RBM19: variants seen among roughly 807,000 people sequenced by gnomAD.
The protein encoded by RBM19 is probable RNA-binding protein 19.
In RBM19, 94 loss-of-function variants were observed where a neutral mutation model predicts 116.8. That is an observed-to-expected ratio of 0.80 (90% CI 0.68 to 0.95). RBM19 has a LOEUF of 0.95. Among genes scored for constraint, RBM19 ranks in the 40% least tolerant of loss-of-function variants. The pLI, the probability that RBM19 is intolerant of heterozygous loss-of-function variation, is 0.00. For synonymous variants in RBM19, 475 were observed against 494.1 expected, an observed-to-expected ratio of 0.96 and a Z score of 0.51; for missense variants, 1,161 against 1,220.7, an observed-to-expected ratio of 0.95 and a Z score of 0.73.
rs2135924504 is a variant in RBM19 at position 113,949,042 on chromosome 12, A to G, written c.1073-6T>C. The G allele has an allele frequency of 6.2e-7, 1 of 1,610,962 alleles. No individual in the cohort carries two copies. Among genetic ancestry groups the G allele is most frequent in the East Asian group, 2.2e-5 (1 of 44,812 alleles). On this transcript the variant is annotated splice_region_variant and splice_polypyrimidine_tract_variant and intron_variant, in intron 9 of 23. Transcript: ENST00000261741. ...CACCTCGATGTAGCGCCCACCTGCA[A>G]TGAAGAGGAGTCAGGGCTCCAGGGG...
chr12:113,872,357 C>T (rs1246062437), intron 21 of RBM19, among the ~76,000 whole-genome samples: 2 of 145,440 alleles, frequency 1.4e-5, no homozygotes, highest in African/African-American at 2.5e-5. Context: ...AGTGAGGAGC[C>T]TCTCTGCCCG....
At position 113,823,204 on chromosome 12, in the gene RBM19, C is replaced by A; in HGVS notation, c.*20G>T. ...CCCGGTCCCCAGGGCCCCGGAGCCA[C>A]ACACCCTCTCGGTGCCAGCTCACAG... On this transcript the variant is annotated 3_prime_UTR_variant, in exon 24 of 24. Coordinates refer to ENST00000261741, the MANE Select transcript of RBM19 (RefSeq NM_016196.4). 6.2e-7 allele frequency: 1 copy of A among 1,604,346 alleles called. No homozygotes were observed. Among genetic ancestry groups the A allele is most frequent in the Non-Finnish European group, 8.5e-7 (1 of 1,177,978 alleles).
intron 21 of RBM19, among the ~76,000 whole-genome samples, chr12:113,884,495 A>C (rs1289070679): frequency 6.6e-6 from 1 of 151,990 alleles, no homozygotes; most frequent in Non-Finnish European, 1.5e-5. Flanking sequence ...GATGCTGCTG[A>C]CCATCCCATA....
At chr12:113,819,841 G>C (rs185407138), downstream of RBM19, among the ~76,000 whole-genome samples, 2 of 152,310 alleles carry the variant, frequency 1.3e-5, no homozygotes, top group Non-Finnish European at 2.9e-5. Context: ...GACTTTTCCC[G>C]AGCTCCGCTT....
intron 6 of RBM19, among the ~76,000 whole-genome samples, chr12:113,955,498 T>C (rs1340115711): frequency 2.7e-5 from 4 of 148,882 alleles, no homozygotes; most frequent in African/African-American, 1.0e-4. Flanking sequence ...AGGGTGGGAA[T>C]GTGAAGGAGC....
intron 21 of RBM19, among the ~76,000 whole-genome samples, chr12:113,906,084 G>A (rs3110450): frequency 1 from 152,362 of 152,362 alleles, 76,181 homozygotes; most frequent in Non-Finnish European, 1. Context: ...CTAAAGCTGA[G>A]ATATGCATAC....
At chr12:113,852,840 C>T (rs748648407) in intron 22 of RBM19, among the ~76,000 whole-genome samples, 5 of 152,236 alleles carry the variant, frequency 3.3e-5, no homozygotes, top group African/African-American at 4.8e-5. Context: ...CACTAACCAG[C>T]GTGCAGCACG....
intron 11 of RBM19, among the ~76,000 whole-genome samples, chr12:113,946,718 G>C (rs759899879): frequency 6.6e-6 from 1 of 152,092 alleles, no homozygotes; most frequent in Non-Finnish European, 1.5e-5. Flanking sequence ...GTATAACCCC[G>C]CACCCGCAGC....
chr12:113,882,659 G>A (rs1880230842), intron 21 of RBM19, among the ~76,000 whole-genome samples: 1 of 152,176 alleles, frequency 6.6e-6, no homozygotes, highest in Admixed American at 6.5e-5. Flanking sequence ...GGGAAGCGGG[G>A]CCCATGCCGA....
intron 21 of RBM19, among the ~76,000 whole-genome samples, chr12:113,911,078 C>T (rs1186943687): frequency 6.6e-6 from 1 of 152,180 alleles, no homozygotes; most frequent in Admixed American, 6.5e-5. Context: ...AGCCCAGTCT[C>T]CACTTCCTTC....
chr12:113,922,630 T>C (rs1049102022), intron 18 of RBM19, among the ~76,000 whole-genome samples: 7 of 150,454 alleles, frequency 4.7e-5, no homozygotes, highest in East Asian at 3.9e-4. Flanking sequence ...TTTTTTTTTT[T>C]CCTGAAATCC....
intron 21 of RBM19, among the ~76,000 whole-genome samples, chr12:113,878,911 T>C (rs1310384201): frequency 6.6e-6 from 1 of 151,794 alleles, no homozygotes; most frequent in African/African-American, 2.4e-5. Context: ...TGTGTATCTG[T>C]TGTGTGTCAC....
chr12:113,870,269 CT>C (rs1182104360), intron 21 of RBM19, among the ~76,000 whole-genome samples: 6 of 152,228 alleles, frequency 3.9e-5, no homozygotes, highest in African/African-American at 1.2e-4. Flanking sequence ...CCTGAAAAGG[CT>C]GGATTCAGGG....
chr12:113,859,453 G>A (rs1475804745), intron 21 of RBM19, among the ~76,000 whole-genome samples: 3 of 152,126 alleles, frequency 2.0e-5, no homozygotes, highest in Admixed American at 6.5e-5. Flanking sequence ...CAAATGATAC[G>A]CAGCTACTCC....
intron 23 of RBM19, among the ~76,000 whole-genome samples, chr12:113,843,097 G>T (rs541229391): frequency 1.3e-5 from 2 of 152,302 alleles, no homozygotes; most frequent in East Asian, 3.9e-4. Flanking sequence ...AAGCCCAGTC[G>T]TTTCGCCCTA....
intron 16 of RBM19, among the ~76,000 whole-genome samples, chr12:113,929,523 T>C (rs2135884133): frequency 6.6e-6 from 1 of 152,226 alleles, no homozygotes; most frequent in South Asian, 2.1e-4. Context: ...AAACCCAACT[T>C]TCAAACAAAG....
rs193056681 is a variant in RBM19, at chr12:113,898,683, T to C, written c.2558+16286A>G. On this transcript the variant is annotated intron_variant, in intron 21 of 23. Transcript: ENST00000261741. The surrounding 1 kb of genome is among the most constrained non-coding windows in gnomAD (Gnocchi z 4.3). ...AGCAAATGAAGCCTTCAATTTGGTA[T>C]TCTCATCCTGCACAAGCACTTACTT... Among the ~76,000 whole-genome samples, 112 of 152,340 alleles carry C rather than the reference T, an allele frequency of 7.4e-4. No homozygotes were observed. Among genetic ancestry groups the C allele is most frequent in the African/African-American group, 2.6e-3 (110 of 41,580 alleles).
At chr12:113,849,872 C>G (rs1389352661) in intron 22 of RBM19, among the ~76,000 whole-genome samples, 1 of 152,190 alleles carries the variant, frequency 6.6e-6, no homozygotes, top group Admixed American at 6.5e-5. Context: ...ACAGTGTGAC[C>G]AGGGCTCCCT....
Position 113,867,389 on chromosome 12 carries a change from C to T in RBM19, c.2559-8493G>A, listed in dbSNP as rs555212466. 5.9e-5 allele frequency among the ~76,000 whole-genome samples: 9 copies of T among 152,294 alleles called. 1 individual carries two copies. Among genetic ancestry groups the T allele is most frequent in the African/African-American group, 1.9e-4 (8 of 41,564 alleles). ...CAGGCAAATATTTCCCAAGCATATCCTCTGTGCAGGCACCAAGCTCTGGGC... is the reference window on the plus strand; with the variant it reads ...CAGGCAAATATTTCCCAAGCATATCTTCTGTGCAGGCACCAAGCTCTGGGC... On this transcript the variant is annotated intron_variant, in intron 21 of 23. Transcript: ENST00000261741.
Sources: allele counts gnomAD v4.1 joint callset (sites outside exome capture counted in the v4.1 genomes callset), GRCh38; gene constraint gnomAD v4.1.1; non-coding constraint Gnocchi (gnomAD v3.1); transcripts MANE v1.5; gene names NCBI Gene and HGNC (gene_info 2026-07-23, HGNC 2026-07-21).